Variants in TNC observed in about 807,000 individuals in gnomAD.
TNC encodes the protein tenascin C.
TNC carries 109 observed loss-of-function variants against 202.4 expected under a neutral mutation model. The observed-to-expected ratio is 0.54, with a 90% CI of 0.46 to 0.63. The LOEUF (loss-of-function observed/expected upper bound fraction) is 0.63. TNC is among the 30% of genes least tolerant of loss of function. TNC has a pLI of 0.00. For synonymous variants in TNC, 1,007 were observed against 1,089.7 expected, an observed-to-expected ratio of 0.92 and a Z score of 1.50; for missense variants, 2,756 against 2,833.3, an observed-to-expected ratio of 0.97 and a Z score of 0.62.
intron 15 of TNC, among the ~76,000 whole-genome samples, chr9:115,049,499 C>G (rs114032850): frequency 6.6e-6 from 1 of 152,096 alleles, no homozygotes; most frequent in African/African-American, 2.4e-5. Context: ...GGTGCCTAAG[C>G]TGAGATACAA....
At chr9:115,111,536 G>A (rs1238623903) in intron 1 of TNC, among the ~76,000 whole-genome samples, 1 of 150,052 alleles carries the variant, frequency 6.7e-6, no homozygotes, top group Admixed American at 6.7e-5. Flanking sequence ...AGCTTCCTGA[G>A]TAGCTGGGAT....
At position 115,035,144 on chromosome 9, in the gene TNC, CTTTGAAGATCATGCAAA is replaced by C. The variant is rs1830222914; in HGVS notation, c.5787+43_5787+59del. Reference sequence around the variant, plus strand: ...AACAGCATCAGGTAATTCTTCCATACTTTGAAGATCATGCAAATGCTTCAACTAGCATTGAGGAGTTG... The same window carrying C: ...AACAGCATCAGGTAATTCTTCCATACTGCTTCAACTAGCATTGAGGAGTTG... On this transcript the variant is annotated intron_variant, in intron 22 of 27. Coordinates refer to ENST00000350763, the MANE Select transcript of TNC (RefSeq NM_002160.4). The C allele has an allele frequency of 2.0e-6, 3 of 1,513,882 alleles. No homozygotes were observed. In the Admixed American group the frequency reaches 6.2e-5, roughly 31 times the overall value. 93.8% of individuals were successfully genotyped at this position (1,513,882 alleles called of 1,614,324 possible). A position where few individuals can be genotyped will look rare whatever the true frequency, so the allele number is the denominator to read the frequency against.
At chr9:115,115,534 T>C (rs1348084118) in intron 1 of TNC, among the ~76,000 whole-genome samples, 2 of 152,232 alleles carry the variant, frequency 1.3e-5, no homozygotes, top group Non-Finnish European at 2.9e-5. Context: ...CACAAAAGCC[T>C]ACAGTTTAGA....
chr9:115,053,054 T>C (rs1176032183), intron 15 of TNC: 1 of 679,740 alleles, frequency 1.5e-6, no homozygotes, highest in African/African-American at 1.8e-5. Flanking sequence ...GAGAGAGACA[T>C]TATTAGAGGA....
chr9:115,028,924 G>GAAAAAAAAAAAAAAAAAA (rs57737243), intron 25 of TNC, among the ~76,000 whole-genome samples: 1 of 63,966 alleles, frequency 1.6e-5, no homozygotes, highest in African/African-American at 6.4e-5. Context: ...CATTATCTCT[G>GAAAAAAAAAAAAAAAAAA]AAAAAAAAAA....
At chr9:115,117,315 G>A (rs190135128) in intron 1 of TNC, among the ~76,000 whole-genome samples, 32 of 152,234 alleles carry the variant, frequency 2.1e-4, no homozygotes, top group East Asian at 5.8e-4. Context: ...TGAGGAGGAG[G>A]AGGTGATTCT....
intron 10 of TNC, among the ~76,000 whole-genome samples, chr9:115,071,953 T>C (rs180818450): frequency 1.3e-5 from 2 of 152,306 alleles, no homozygotes; most frequent in East Asian, 3.9e-4. Context: ...TTTATAAACA[T>C]CTTATAGTTG....
rs749640391 is a variant in TNC at position 115,087,271 on chromosome 9, G to C, written c.460C>G (p.Arg154Gly). ...AGCCLQPATG[R>G]LDTRPFCSGR... ...CTACAGAAGGGCCTGGTGTCCAAGC[G>C]GCCTGCAACAAAAGAAACAGAAGTT... The change falls in exon 3 of 28, where the codon CGC becomes GGC. Residue 154 changes from arginine (R) to glycine (G), a missense_variant and splice_region_variant. Around this residue, in one of 2 missense-constraint regions of TNC, gnomAD observed 2,559 missense variants for 2,546.0 expected, o/e 1.01. Transcript: ENST00000350763. 10 of 1,609,918 alleles carry C rather than the reference G, an allele frequency of 6.2e-6. No individual in the cohort carries two copies. In the South Asian group the frequency reaches 1.1e-4, roughly 18 times the overall value.
In TNC at chr9:115,021,011, G is replaced by A. The variant is rs975563281; in HGVS notation, c.*146C>T. ...AGGAGGTGAGGCCCATGCTGTTGCC[G>A]TTGGCCCCAGGGATCCATGGTCAGC... On this transcript the variant is annotated 3_prime_UTR_variant, in exon 28 of 28. Coordinates refer to ENST00000350763, the MANE Select transcript of TNC (RefSeq NM_002160.4). 2.1e-5 allele frequency: 13 copies of A among 613,138 alleles called. No individual in the cohort carries two copies. Among genetic ancestry groups the A allele is most frequent in the East Asian group, 5.6e-5 (2 of 35,862 alleles). 38.0% of individuals were successfully genotyped at this position (613,138 alleles called of 1,614,324 possible).
At chr9:115,100,899 GA>G (rs890599993) in intron 1 of TNC, among the ~76,000 whole-genome samples, 15 of 152,068 alleles carry the variant, frequency 9.9e-5, no homozygotes, top group Admixed American at 6.5e-5. Context: ...AAAGCTGGGG[GA>G]AAAAAACCTT....
rs74372194 is a variant in TNC at position 115,117,574 on chromosome 9, C to G, written c.-137+408G>C. On this transcript the variant is annotated intron_variant, in intron 1 of 27. Transcript: ENST00000350763. ...CTCCCTGCACTCCTCTATCAAACTC[C>G]CTCTAACCCATCCCAGGGGCAGGCT... 2.0e-5 allele frequency among the ~76,000 whole-genome samples: 3 copies of G among 152,266 alleles called. No individual in the cohort carries two copies. The East Asian group carries it at 5.8e-4, about 29-fold the overall frequency.
intron 7 of TNC, among the ~76,000 whole-genome samples, chr9:115,076,889 A>G (rs775056637): frequency 5.3e-5 from 8 of 152,134 alleles, no homozygotes; most frequent in Admixed American, 1.3e-4. Context: ...TTTTCTCATC[A>G]TATTTCATTC....
At position 115,084,465 on chromosome 9, in the gene TNC, A is replaced by G. The variant is rs1168572606; in HGVS notation, c.1875T>C (p.Pro625=). 6.2e-7 allele frequency: 1 copy of G among 1,613,832 alleles called. No individual in the cohort carries two copies. The highest frequency in any genetic ancestry group is 1.3e-5 in the African/African-American group (1 of 74,934). ...YSGEDCSEVS[P]PKDLVVTEVT... is the part of the protein sequence containing the mutation. ...CTTCTGTCACAACGAGGTCTTTGGGAGGAGACACTGGCAGGAATAAGAAAG... is the reference window on the plus strand; with the variant it reads ...CTTCTGTCACAACGAGGTCTTTGGGGGGAGACACTGGCAGGAATAAGAAAG... Residue 625 remains proline (P), a synonymous_variant, in exon 4 of 28, where the codon CCT becomes CCC. Coordinates refer to ENST00000350763, the MANE Select transcript of TNC (RefSeq NM_002160.4).
At chr9:115,067,544 G>C (rs767711494) in intron 10 of TNC, among the ~76,000 whole-genome samples, 139 of 150,024 alleles carry the variant, frequency 9.3e-4, no homozygotes, top group Admixed American at 2.9e-3. Flanking sequence ...GTTACCTTAC[G>C]GGGGGTGGGG....
At chr9:115,106,066 A>T (rs1836593228) in intron 1 of TNC, among the ~76,000 whole-genome samples, 1 of 152,210 alleles carries the variant, frequency 6.6e-6, no homozygotes, top group Admixed American at 6.5e-5. Flanking sequence ...AAGTAGAGAT[A>T]TACCTAACTA....
intron 26 of TNC, among the ~76,000 whole-genome samples, chr9:115,025,900 G>T (rs1829439695): frequency 6.6e-6 from 1 of 152,224 alleles, no homozygotes; most frequent in Non-Finnish European, 1.5e-5. Flanking sequence ...GACAAGGAAT[G>T]CAGGGGCCAC....
chr9:115,077,236 T>G (rs1450265053), intron 7 of TNC, among the ~76,000 whole-genome samples: 2 of 152,016 alleles, frequency 1.3e-5, no homozygotes, highest in Non-Finnish European at 2.9e-5. Flanking sequence ...TTTTGTATTT[T>G]TAGTAGAGAC....
chr9:115,078,289 A>C, intron 6 of TNC, 77 bp from the exon 7 acceptor site: 1 of 1,480,686 alleles, frequency 6.8e-7, no homozygotes. Flanking sequence ...GGACTTTGTA[A>C]CTCTCCAGAC....
Position 115,020,345 on chromosome 9 carries a change from C to T in TNC, c.*812G>A, listed in dbSNP as rs1305111948. On this transcript the variant is annotated 3_prime_UTR_variant, in exon 28 of 28. Transcript: ENST00000350763. ...TGGGATTACAGGCCTGGCCTGTAAG[C>T]TTTTCCCAAGTGTGTTCAACTTTAT... is the stretch of plus-strand genomic sequence containing the variant. 6.4e-6 allele frequency: 1 copy of T among 157,086 alleles called. No homozygotes were observed. Among genetic ancestry groups the T allele is most frequent in the Non-Finnish European group, 1.4e-5 (1 of 72,028 alleles). The allele number at this position is 157,086 out of a possible 1,614,324, so 9.7% of individuals were successfully genotyped here.
Sources: allele counts gnomAD v4.1 joint callset (sites outside exome capture counted in the v4.1 genomes callset), GRCh38; gene constraint gnomAD v4.1.1; regional missense constraint gnomAD v4.1.1; transcripts MANE v1.5; gene names NCBI Gene and HGNC (gene_info 2026-07-23, HGNC 2026-07-21).